Variants in NMU observed in about 807,000 individuals in gnomAD.
The protein encoded by NMU is neuromedin U.
NMU carries 29 observed loss-of-function variants against 35.4 expected under a neutral mutation model. That is an observed-to-expected ratio of 0.82 (90% CI 0.61 to 1.12). The LOEUF is 1.12. NMU is among the 50% of genes most tolerant of loss of function. The pLI, the probability that NMU is intolerant of heterozygous loss-of-function variation, is 0.00. For synonymous variants in NMU, 78 were observed against 81.3 expected (o/e 0.96, Z 0.22); for missense variants, 199 against 206.2 (o/e 0.97, Z 0.21).
intron 2 of NMU, among the ~76,000 whole-genome samples, chr4:55,630,160 A>C (rs749613528): frequency 2.6e-5 from 4 of 152,084 alleles, no homozygotes; most frequent in Non-Finnish European, 5.9e-5. Context: ...ATTTACTGTA[A>C]CTACTCTGTT....
chr4:55,598,728 A>G (rs1282919066), intron 9 of NMU, among the ~76,000 whole-genome samples: 4 of 152,338 alleles, frequency 2.6e-5, no homozygotes, highest in Non-Finnish European at 5.9e-5. Context: ...TATTTAGATG[A>G]CAGAAGTACT....
chr4:55,595,643 A>ATATTTTT (rs1258986050), intron 9 of NMU, among the ~76,000 whole-genome samples: 6 of 66,418 alleles, frequency 9.0e-5, no homozygotes, highest in Non-Finnish European at 1.6e-4. Context: ...ATATATATAT[A>ATATTTTT]TTTTTTTTTT....
chr4:55,609,718 A>T lies in NMU; in HGVS notation c.220-539T>A, dbSNP rs573991907. On this transcript the variant is annotated intron_variant, in intron 3 of 9. Coordinates refer to ENST00000264218, the MANE Select transcript of NMU (RefSeq NM_006681.4). ...CAGATTGCTGACTGCACAGCCCAGGATCAGGTTTTTCAAAGCATTCGAGCA... is the reference window on the plus strand; with the variant it reads ...CAGATTGCTGACTGCACAGCCCAGGTTCAGGTTTTTCAAAGCATTCGAGCA... 3.9e-5 allele frequency among the ~76,000 whole-genome samples: 6 copies of T among 152,324 alleles called. No homozygotes were observed. In the East Asian group the frequency reaches 1.2e-3, roughly 29 times the overall value.
At chr4:55,618,296 C>T (rs112220654) in intron 2 of NMU, among the ~76,000 whole-genome samples, 56 of 152,154 alleles carry the variant, frequency 3.7e-4, no homozygotes, top group African/African-American at 1.3e-3. Context: ...TGGTTTGTTG[C>T]ACCCATCAAC....
chr4:55,617,377 G>T (rs536548102), intron 2 of NMU, among the ~76,000 whole-genome samples: 2 of 152,116 alleles, frequency 1.3e-5, no homozygotes, highest in East Asian at 1.9e-4. Context: ...TATCCTCACA[G>T]AACTTTTATC....
intron 2 of NMU, among the ~76,000 whole-genome samples, chr4:55,619,855 C>A (rs1297400699): frequency 7.5e-6 from 1 of 133,828 alleles, no homozygotes; most frequent in Non-Finnish European, 1.7e-5. Flanking sequence ...GGGTCCCTGA[C>A]CCCTGACCCC....
chr4:55,626,880 A>T (rs1734553127), intron 2 of NMU, among the ~76,000 whole-genome samples: 1 of 152,208 alleles, frequency 6.6e-6, no homozygotes, highest in African/African-American at 2.4e-5. Flanking sequence ...TTTCATCAAG[A>T]AGTTTTTCCC....
At chr4:55,617,922 T>C (rs1316435243) in intron 2 of NMU, among the ~76,000 whole-genome samples, 1 of 152,218 alleles carries the variant, frequency 6.6e-6, no homozygotes, top group Non-Finnish European at 1.5e-5. Context: ...CATCAGACTT[T>C]TAAAAACCCA....
chr4:55,605,243 G>A (rs756846602), intron 7 of NMU, 32 bp downstream of exon 7: 12 of 1,474,080 alleles, frequency 8.1e-6, no homozygotes, highest in Non-Finnish European at 1.0e-5. Context: ...CACACGGAAT[G>A]GCAAAGCCAG....
In NMU at chr4:55,636,018, G is replaced by T. The variant is rs2110218648; in HGVS notation, c.112+63C>A. 2 of 1,532,394 alleles carry T rather than the reference G, an allele frequency of 1.3e-6. No individual in the cohort carries two copies. Among genetic ancestry groups the T allele is most frequent in the African/African-American group, 1.4e-5 (1 of 72,690 alleles). 94.9% of individuals were successfully genotyped at this position (1,532,394 alleles called of 1,614,324 possible). Reference sequence around the variant, plus strand: ...TGAGAGAAAGAGGGTGGAGGAGAGCGGTGAGTGGAGCCAGAGAGAGGCGCG... The same window carrying T: ...TGAGAGAAAGAGGGTGGAGGAGAGCTGTGAGTGGAGCCAGAGAGAGGCGCG... On this transcript the variant is annotated intron_variant, in intron 1 of 9. Transcript: ENST00000264218. The surrounding 1 kb of genome is among the most constrained non-coding windows in gnomAD (Gnocchi z 4.0).
intron 3 of NMU, among the ~76,000 whole-genome samples, chr4:55,614,928 C>T (rs1282861991): frequency 6.6e-6 from 1 of 152,178 alleles, no homozygotes; most frequent in South Asian, 2.1e-4. Context: ...TCTTGCTTTA[C>T]TATCTAATAC....
chr4:55,600,310 T>C (rs1270988599), intron 8 of NMU, among the ~76,000 whole-genome samples: 1 of 152,102 alleles, frequency 6.6e-6, no homozygotes, highest in Non-Finnish European at 1.5e-5. Flanking sequence ...TGTTTAAACA[T>C]GAGCAATAGG....
At chr4:55,628,593 G>A (rs1734633362) in intron 2 of NMU, among the ~76,000 whole-genome samples, 1 of 152,018 alleles carries the variant, frequency 6.6e-6, no homozygotes, top group South Asian at 2.1e-4. Flanking sequence ...CCGCTTCCCA[G>A]GCTCAAGTGA....
intron 2 of NMU, among the ~76,000 whole-genome samples, chr4:55,619,446 G>A (rs1391004017): frequency 1.6e-5 from 2 of 125,086 alleles, no homozygotes; most frequent in Non-Finnish European, 3.4e-5. Context: ...CGAATATTGC[G>A]CTTTTCAGAC....
At chr4:55,595,935 C>T (rs181452372) in intron 9 of NMU, among the ~76,000 whole-genome samples, 84 of 152,086 alleles carry the variant, frequency 5.5e-4, no homozygotes, top group African/African-American at 1.1e-3. Flanking sequence ...TCACCGTACC[C>T]GACCTGTCTG....
At chr4:55,625,024 G>T (rs1317089644) in intron 2 of NMU, among the ~76,000 whole-genome samples, 4 of 84,060 alleles carry the variant, frequency 4.8e-5, no homozygotes, top group South Asian at 6.7e-4. Context: ...GTGGTGGGGT[G>T]GGGGGAGGGG....
chr4:55,626,267 A>G (rs1240359365), intron 2 of NMU, among the ~76,000 whole-genome samples: 1 of 152,234 alleles, frequency 6.6e-6, no homozygotes, highest in Non-Finnish European at 1.5e-5. Flanking sequence ...ATGTTTGTTA[A>G]CCTTTTGAAC....
intron 6 of NMU, among the ~76,000 whole-genome samples, chr4:55,606,814 A>T (rs1279398567): frequency 6.6e-6 from 1 of 151,582 alleles, no homozygotes; most frequent in African/African-American, 2.4e-5. Flanking sequence ...AGTAGCTGAG[A>T]CCACAGGCGT....
At chr4:55,626,970 G>A (rs945107341) in intron 2 of NMU, among the ~76,000 whole-genome samples, 29 of 152,176 alleles carry the variant, frequency 1.9e-4, no homozygotes, top group Non-Finnish European at 7.3e-5. Flanking sequence ...CTTTAGGGGT[G>A]AGGTGGCAAA....
Sources: gnomAD v4.1 joint callset for allele counts (sites outside exome capture counted in the v4.1 genomes callset) on GRCh38, gnomAD v4.1.1 for gene constraint, Gnocchi (gnomAD v3.1) non-coding constraint, MANE v1.5 for transcripts, NCBI Gene and HGNC (gene_info 2026-07-23, HGNC 2026-07-21) for gene names.